UGT2B17: variants seen among roughly 807,000 people sequenced by gnomAD.
UGT2B17 encodes UDP-glucuronosyltransferase 2B17.
UGT2B17 carries 21 observed loss-of-function variants against 48.2 expected under a neutral mutation model. The ratio of observed to expected loss-of-function variants is 0.44; its 90% CI spans 0.31 to 0.63. The LOEUF (loss-of-function observed/expected upper bound fraction) is 0.63, where lower values mean the gene tolerates loss of function less well. UGT2B17 is among the 20% of genes least tolerant of loss of function. The pLI, the probability that UGT2B17 is intolerant of heterozygous loss-of-function variation, is 0.08. For missense variants in UGT2B17, 402 were observed against 696.1 expected (o/e 0.58, Z 4.75); for synonymous variants, 146 against 238.4 (o/e 0.61, Z 3.57).
chr4:68,547,509 G>A (rs1578165711), intron 6 of UGT2B17, among the ~76,000 whole-genome samples: 1 of 124,178 alleles, frequency 8.1e-6, no homozygotes, highest in Non-Finnish European at 1.7e-5. Flanking sequence ...CAGGACATAG[G>A]CATGGGCAAG....
rs1311515281 is a variant in UGT2B17, at chr4:68,537,504, G to A, written c.*121C>T. On this transcript the variant is annotated 3_prime_UTR_variant, in exon 7 of 7. Coordinates refer to ENST00000317746, the MANE Select transcript of UGT2B17 (RefSeq NM_001077.4). ...TGGAAAATAAATTTTGACTTAACAG[G>A]GTAAGTTGTGAAAAGACGTTTTGTC... 1 of 883,136 alleles carries A rather than the reference G, an allele frequency of 1.1e-6. No homozygotes were observed. Among genetic ancestry groups the A allele is most frequent in the African/African-American group, 1.7e-5 (1 of 57,608 alleles). The allele number at this position is 883,136 out of a possible 1,614,324, so 54.7% of individuals were successfully genotyped here.
intron 6 of UGT2B17, among the ~76,000 whole-genome samples, chr4:68,538,920 CA>C (rs1730604285): frequency 8.0e-6 from 1 of 125,642 alleles, no homozygotes; most frequent in African/African-American, 2.7e-5. Flanking sequence ...TTCTTTCTTG[CA>C]ACTACTTGAG....
intron 1 of UGT2B17, among the ~76,000 whole-genome samples, chr4:68,574,919 C>T (rs1731347498): frequency 8.5e-6 from 1 of 117,636 alleles, no homozygotes; most frequent in Non-Finnish European, 1.8e-5. Flanking sequence ...TACCATATAA[C>T]ACTCTTTTTA....
In UGT2B17 at chr4:68,556,293, C is replaced by A. The variant is rs1449573553; in HGVS notation, c.1005+4244G>T. Among the ~76,000 whole-genome samples the A allele has an allele frequency of 2.5e-5, 3 of 121,542 alleles. 1 individual carries two copies. The highest frequency in any genetic ancestry group is 3.5e-5 in the Non-Finnish European group (2 of 57,822). 79.7% of individuals were successfully genotyped at this position (121,542 alleles called of 152,430 possible). On this transcript the variant is annotated intron_variant, in intron 4 of 6. Transcript: ENST00000317746. ...TTTTTTTTTTTAACCCAAAGTTTAA[C>A]TTTTCTTGCATCTCACTGTTTTTGG... is the stretch of plus-strand genomic sequence containing the variant.
chr4:68,556,644 T>G lies in UGT2B17; in HGVS notation c.1005+3893A>C, dbSNP rs188300750. ...CTTGAAGCATAAACTGACTTCTTAATAAAGATTATAAACGTTATGAAAGGC... is the reference window on the plus strand; with the variant it reads ...CTTGAAGCATAAACTGACTTCTTAAGAAAGATTATAAACGTTATGAAAGGC... On this transcript the variant is annotated intron_variant, in intron 4 of 6. Coordinates refer to ENST00000317746, the MANE Select transcript of UGT2B17 (RefSeq NM_001077.4). 1.3e-4 allele frequency among the ~76,000 whole-genome samples: 17 copies of G among 126,370 alleles called. 4 individuals are homozygous for G. The highest frequency in any genetic ancestry group is 4.6e-4 in the African/African-American group (17 of 37,246). The allele number at this position is 126,370 out of a possible 152,430, so 82.9% of individuals were successfully genotyped here.
chr4:68,568,009 T>A lies in UGT2B17; in HGVS notation c.476A>T (p.Glu159Val). The A allele has an allele frequency of 1.4e-6, 2 of 1,382,308 alleles. 1 individual carries two copies. The highest frequency in any genetic ancestry group is 1.9e-6 in the Non-Finnish European group (2 of 1,055,418). The allele number at this position is 1,382,308 out of a possible 1,614,324, so 85.6% of individuals were successfully genotyped here. Residue 159 changes from glutamate to valine, a missense_variant, in exon 2 of 7, where the codon GAG (glutamate) becomes GTG (valine). Physicochemically the swap from Glu to Val is moderately radical, Grantham distance 121. This residue lies in a region of UGT2B17 where 84 missense variants were observed against 92.6 expected (regional missense o/e 0.91). Coordinates refer to ENST00000317746, the MANE Select transcript of UGT2B17 (RefSeq NM_001077.4). The part of the protein sequence containing the change: ...LLADAVNPCG[E>V]LLAELLNIPF... ...TATGTTAAGTAGCTCAGCCAGCAGC[T>A]CACCACAGGGATTAACGGCATCTGC...
At chr4:68,573,008 T>C (rs1731318284) in intron 1 of UGT2B17, among the ~76,000 whole-genome samples, 1 of 127,366 alleles carries the variant, frequency 7.9e-6, no homozygotes, top group Admixed American at 7.9e-5. Context: ...ACTTCAATGG[T>C]TATGTGGGGA....
intron 4 of UGT2B17, among the ~76,000 whole-genome samples, chr4:68,553,755 G>C (rs2109767689): frequency 8.1e-6 from 1 of 123,670 alleles, no homozygotes; most frequent in African/African-American, 2.8e-5. Context: ...CTAGTTTGGA[G>C]ATGTGTTGTA....
Position 68,565,315 on chromosome 4 carries a change from T to C in UGT2B17, c.873+257A>G, listed in dbSNP as rs557353724. Among the ~76,000 whole-genome samples the C allele has an allele frequency of 2.4e-5, 3 of 126,406 alleles. 1 individual carries two copies. In the South Asian group the frequency reaches 1.1e-3, roughly 47 times the overall value. 82.9% of individuals were successfully genotyped at this position (126,406 alleles called of 152,430 possible). ...TTTTTTGAAGAAATGAACCATACTATCTTGTGGGTTGCACAATGAAGGCCT... is the reference window on the plus strand; with the variant it reads ...TTTTTTGAAGAAATGAACCATACTACCTTGTGGGTTGCACAATGAAGGCCT... On this transcript the variant is annotated intron_variant, in intron 3 of 6. Transcript: ENST00000317746.
rs574017952 is a variant in UGT2B17, at chr4:68,574,993, G to C, written c.-65+958C>G. On this transcript the variant is annotated intron_variant, in intron 1 of 6. Coordinates refer to ENST00000317746, the MANE Select transcript of UGT2B17 (RefSeq NM_001077.4). The stretch of plus-strand genomic sequence containing the variant: ...GATAACCATTCCTTTTTTTTAAAAA[G>C]TGAACTTTCTTTATGTCTTTGGACT... Among the ~76,000 whole-genome samples, 83 of 109,014 alleles carry C rather than the reference G, an allele frequency of 7.6e-4. 22 individuals carry two copies. The highest frequency in any genetic ancestry group is 3.9e-4 in the Admixed American group (4 of 10,278). 71.5% of individuals were successfully genotyped at this position (109,014 alleles called of 152,430 possible).
In UGT2B17 at chr4:68,542,813, G is replaced by T. The variant is rs1730697455; in HGVS notation, c.1314-4909C>A. 1.6e-5 allele frequency among the ~76,000 whole-genome samples: 2 copies of T among 127,240 alleles called. 1 individual carries two copies. Among genetic ancestry groups the T allele is most frequent in the Non-Finnish European group, 3.3e-5 (2 of 59,804 alleles). The allele number at this position is 127,240 out of a possible 152,430, so 83.5% of individuals were successfully genotyped here. On this transcript the variant is annotated intron_variant, in intron 6 of 6. Coordinates refer to ENST00000317746, the MANE Select transcript of UGT2B17 (RefSeq NM_001077.4). ...GATTATATCGCGCACCTGGCTCAGA[G>T]GGTCCTACGCCCACGGAGCCTCGCT...
At chr4:68,566,161 T>A (rs1213864286) in intron 2 of UGT2B17, among the ~76,000 whole-genome samples, 1 of 119,020 alleles carries the variant, frequency 8.4e-6, no homozygotes, top group Non-Finnish European at 1.7e-5. Context: ...AATATTTAAA[T>A]TATTTAATAA....
intron 2 of UGT2B17, 120 bp from the exon 3 acceptor site, chr4:68,565,840 A>G (rs1277477634): frequency 1.3e-6 from 1 of 746,770 alleles, no homozygotes; most frequent in African/African-American, 1.9e-5. Flanking sequence ...AATATATAAA[A>G]TGTCTGCACA....
Position 68,567,788 on chromosome 4 carries a change from A to G in UGT2B17, c.697T>C (p.Trp233Arg), listed in dbSNP as rs1344825563. The change falls in exon 2 of 7, where the codon TGG becomes CGG. Residue 233 changes from tryptophan to arginine, a missense_variant. Physicochemically the swap from Trp to Arg is moderately radical, Grantham distance 101. Coordinates refer to ENST00000317746, the MANE Select transcript of UGT2B17 (RefSeq NM_001077.4). ...AGAACTTCACTATAAAACTGGTCCC[A>G]CTTCTTCAGATCATATGCTTGAAAC... Reference protein sequence around the residue: ...FWFQAYDLKKWDQFYSEVLGR... With the variant: ...FWFQAYDLKKRDQFYSEVLGR... The G allele has an allele frequency of 1.5e-6, 2 of 1,354,996 alleles. No homozygotes were observed. The highest frequency in any genetic ancestry group is 2.3e-5 in the Admixed American group (1 of 43,456). The allele number at this position is 1,354,996 out of a possible 1,614,324, so 83.9% of individuals were successfully genotyped here.
intron 5 of UGT2B17, among the ~76,000 whole-genome samples, chr4:68,551,459 G>A (rs1383737335): frequency 8.0e-6 from 1 of 124,630 alleles, no homozygotes; most frequent in African/African-American, 2.7e-5. Flanking sequence ...GGTAATAGAA[G>A]AATGTCTGTT....
chr4:68,545,573 T>C (rs1228849895), intron 6 of UGT2B17, among the ~76,000 whole-genome samples: 1 of 124,680 alleles, frequency 8.0e-6, no homozygotes, highest in African/African-American at 2.8e-5. Flanking sequence ...ATAACTAAAA[T>C]CAGAGCAGAA....
rs182887728 is a variant in UGT2B17 at position 68,537,529 on chromosome 4, C to T, written c.*96G>A. ...GGTAAGTTGTGAAAAGACGTTTTGT[C>T]GCAGGAAAAAGGAAATCCTCCATTT... is the stretch of plus-strand genomic sequence containing the variant. On this transcript the variant is annotated 3_prime_UTR_variant, in exon 7 of 7. Transcript: ENST00000317746. The T allele has an allele frequency of 2.1e-5, 23 of 1,096,054 alleles. 4 individuals carry two copies. The highest frequency in any genetic ancestry group is 2.7e-5 in the Non-Finnish European group (23 of 854,910). The allele number at this position is 1,096,054 out of a possible 1,614,324, so 67.9% of individuals were successfully genotyped here.
At position 68,565,953 on chromosome 4, in the gene UGT2B17, T is replaced by G. The variant is rs562088746; in HGVS notation, c.725-233A>C. On this transcript the variant is annotated intron_variant, in intron 2 of 6. Coordinates refer to ENST00000317746, the MANE Select transcript of UGT2B17 (RefSeq NM_001077.4). ...ATAATATTAAATACATTATATTAAA[T>G]TAATGTATTTAATATATGTTAATAT... Among the ~76,000 whole-genome samples the G allele has an allele frequency of 8.4e-3, 1,001 of 118,728 alleles. 222 individuals carry two copies. The highest frequency in any genetic ancestry group is 0.014 in the Admixed American group (159 of 11,166). 77.9% of individuals were successfully genotyped at this position (118,728 alleles called of 152,430 possible).
At chr4:68,564,295 T>TTTTTTTC (rs1731157639) in intron 3 of UGT2B17, among the ~76,000 whole-genome samples, 2 of 67,644 alleles carry the variant, frequency 3.0e-5, no homozygotes, top group Admixed American at 2.5e-4. Flanking sequence ...TATATATATA[T>TTTTTTTC]TTTTTTTTTT....
Sources: gnomAD v4.1 joint callset for allele counts (sites outside exome capture counted in the v4.1 genomes callset) on GRCh38, gnomAD v4.1.1 for gene constraint, gnomAD v4.1.1 regional missense constraint, MANE v1.5 for transcripts, NCBI Gene and HGNC (gene_info 2026-07-23, HGNC 2026-07-21) for gene names.